Variants in FOXP2 observed in about 807,000 individuals in gnomAD.
FOXP2 encodes the protein forkhead box protein P2.
FOXP2 carries 12 observed loss-of-function variants against 115.8 expected under a neutral mutation model. The ratio of observed to expected loss-of-function variants is 0.10; its 90% CI spans 0.07 to 0.17. The LOEUF (loss-of-function observed/expected upper bound fraction) is 0.17. Among genes scored for constraint, FOXP2 ranks in the 10% least tolerant of loss-of-function variants. FOXP2 has a pLI of 1.00. For missense variants in FOXP2, 629 were observed against 843.5 expected (o/e 0.75, Z 3.15); for synonymous variants, 328 against 297.7 (o/e 1.10, Z -1.05).
chr7:114,163,832 G>A (rs1039804372), intron 1 of FOXP2, among the ~76,000 whole-genome samples: 1 of 152,134 alleles, frequency 6.6e-6, no homozygotes, highest in Non-Finnish European at 1.5e-5. Flanking sequence ...ATGATAATGT[G>A]ATATAATGGT....
intron 2 of FOXP2, among the ~76,000 whole-genome samples, chr7:114,368,083 G>C (rs1468428582): frequency 6.6e-6 from 1 of 152,148 alleles, no homozygotes; most frequent in South Asian, 2.1e-4. Context: ...AAGCTGAAAG[G>C]CATGCTAATT....
At chr7:114,316,568 A>G (rs1340863522) in intron 2 of FOXP2, among the ~76,000 whole-genome samples, 1 of 152,198 alleles carries the variant, frequency 6.6e-6, no homozygotes, top group Non-Finnish European at 1.5e-5. Context: ...TTTTTTACAT[A>G]AAGTGGGTGA....
At chr7:114,396,072 G>A (rs1792729020) in intron 2 of FOXP2, among the ~76,000 whole-genome samples, 1 of 151,740 alleles carries the variant, frequency 6.6e-6, no homozygotes, top group Admixed American at 6.6e-5. Flanking sequence ...ATTGGCTTTA[G>A]TCACCCTATT....
At chr7:114,199,291 A>G (rs1793995238) in intron 1 of FOXP2, among the ~76,000 whole-genome samples, 1 of 152,236 alleles carries the variant, frequency 6.6e-6, no homozygotes, top group East Asian at 1.9e-4. Flanking sequence ...CATAAAATTA[A>G]CTATCACAGC....
At chr7:114,287,345 T>C (rs561461922) in intron 1 of FOXP2, among the ~76,000 whole-genome samples, 2 of 151,966 alleles carry the variant, frequency 1.3e-5, no homozygotes, top group African/African-American at 4.8e-5. Flanking sequence ...TGGCCACGAG[T>C]TGGACAAGAC....
chr7:114,116,940 A>T (rs1247722831), intron 1 of FOXP2, among the ~76,000 whole-genome samples: 2 of 151,986 alleles, frequency 1.3e-5, no homozygotes, highest in African/African-American at 2.4e-5. Context: ...ATATCTGCAT[A>T]CTCTGGGAAA....
intron 2 of FOXP2, among the ~76,000 whole-genome samples, chr7:114,362,669 G>C (rs922060347): frequency 6.6e-6 from 1 of 152,022 alleles, no homozygotes; most frequent in Non-Finnish European, 1.5e-5. Context: ...AGGTTTGTGA[G>C]CCTTCAGAAG....
At chr7:114,217,974 G>A (rs1794526746) in intron 1 of FOXP2, among the ~76,000 whole-genome samples, 1 of 152,072 alleles carries the variant, frequency 6.6e-6, no homozygotes, top group South Asian at 2.1e-4. Context: ...GCTTAGGCAT[G>A]GATGGCCATG....
intron 1 of FOXP2, among the ~76,000 whole-genome samples, chr7:114,233,836 A>C (rs191689730): frequency 1.3e-5 from 2 of 152,248 alleles, no homozygotes; most frequent in East Asian, 1.9e-4. Context: ...AACATGGCAA[A>C]ACACCATCTC....
chr7:114,658,152 G>A lies in FOXP2; in HGVS notation c.1353G>A (p.Thr451=), dbSNP rs1440817790. 5 of 1,613,714 alleles carry A rather than the reference G, an allele frequency of 3.1e-6. No individual in the cohort carries two copies. The highest frequency in any genetic ancestry group is 1.7e-4 in the Middle Eastern group (1 of 6,060). ...QSLPQTPTTP[T]APVTPITQGP... ...TACCTCAAACCCCTACCACACCAAC[G>A]GCCCCAGTCACCCCGATTACCCAGG... The change falls in exon 11 of 17, where the codon ACG becomes ACA. Residue 451 remains threonine (T), a synonymous_variant. Transcript: ENST00000350908.
At chr7:114,208,350 C>G (rs763158720) in intron 1 of FOXP2, among the ~76,000 whole-genome samples, 1 of 152,164 alleles carries the variant, frequency 6.6e-6, no homozygotes, top group African/African-American at 2.4e-5. Flanking sequence ...CCATTTGGAA[C>G]AGCTGTATTT....
At chr7:114,127,071 C>G (rs1791730770) in intron 1 of FOXP2, among the ~76,000 whole-genome samples, 1 of 152,144 alleles carries the variant, frequency 6.6e-6, no homozygotes. Flanking sequence ...GGGAAAAGAC[C>G]TGTTTCATTC....
Position 114,483,325 on chromosome 7 carries a change from C to T in FOXP2, c.169-51292C>T, listed in dbSNP as rs530134766. 6.6e-5 allele frequency among the ~76,000 whole-genome samples: 10 copies of T among 151,670 alleles called. No homozygotes were observed. The East Asian group carries it at 1.9e-3, about 29-fold the overall frequency. On this transcript the variant is annotated intron_variant, in intron 2 of 16. Transcript: ENST00000350908. The stretch of plus-strand genomic sequence containing the variant: ...CTCCATGCTTCCAAGGTTTTTCCTT[C>T]CTACTCTTCAATCTTGCATATCCTC...
chr7:114,521,502 C>T (rs894533843), intron 2 of FOXP2, among the ~76,000 whole-genome samples: 1 of 130,586 alleles, frequency 7.7e-6, no homozygotes, highest in African/African-American at 3.0e-5. Flanking sequence ...CACTGTACTC[C>T]AGCCTGGGCA....
At position 114,256,698 on chromosome 7, in the gene FOXP2, T is replaced by C. The variant is rs1053986494; in HGVS notation, c.-101-31321T>C. Among the ~76,000 whole-genome samples, 6 of 152,330 alleles carry C rather than the reference T, an allele frequency of 3.9e-5. No individual in the cohort carries two copies. The South Asian group carries it at 6.2e-4, about 16-fold the overall frequency. ...TTTCTTTTGCTGTGCAGAAATTCTT[T>C]ACTTTAATTAGATCCGATTTGTCAA... On this transcript the variant is annotated intron_variant, in intron 1 of 17. Transcript: ENST00000634411.
chr7:114,583,359 C>T (rs1222574585), intron 3 of FOXP2, among the ~76,000 whole-genome samples: 3 of 151,930 alleles, frequency 2.0e-5, no homozygotes, highest in Non-Finnish European at 4.4e-5. Flanking sequence ...GCCTGGGCAA[C>T]AGAGTAAGCC....
chr7:114,643,633 A>G (rs575103156), intron 7 of FOXP2, among the ~76,000 whole-genome samples: 22 of 152,308 alleles, frequency 1.4e-4, no homozygotes, highest in African/African-American at 4.6e-4. Context: ...GCATTCATGT[A>G]CATTTGTCCT....
chr7:114,535,419 G>T (rs1799335468), intron 3 of FOXP2, among the ~76,000 whole-genome samples: 2 of 151,440 alleles, frequency 1.3e-5, no homozygotes, highest in Admixed American at 6.6e-5. Context: ...ATCTCTCAAA[G>T]TGTTCACCAG....
At chr7:114,278,260 T>C (rs1295017564) in intron 1 of FOXP2, among the ~76,000 whole-genome samples, 1 of 152,150 alleles carries the variant, frequency 6.6e-6, no homozygotes, top group African/African-American at 2.4e-5. Context: ...ATCTATATTA[T>C]AATACATCCT....
Sources: gnomAD v4.1 joint callset for allele counts (sites outside exome capture counted in the v4.1 genomes callset) on GRCh38, gnomAD v4.1.1 for gene constraint, MANE v1.5 for transcripts, NCBI Gene and HGNC (gene_info 2026-07-23, HGNC 2026-07-21) for gene names.